The following PTPRD variants were observed in gnomAD, a reference collection of about 807,000 sequenced individuals.
PTPRD encodes the protein protein tyrosine phosphatase receptor type D, also known as receptor-type tyrosine-protein phosphatase delta.
Under a neutral mutation model 214.5 loss-of-function variants are expected in PTPRD, and 34 were observed. The ratio of observed to expected loss-of-function variants is 0.16; its 90% CI spans 0.12 to 0.21. The LOEUF (loss-of-function observed/expected upper bound fraction) is 0.21. PTPRD is among the 10% of genes least tolerant of loss of function. The probability of loss-of-function intolerance (pLI) is 1.00; values close to 1 mark genes in which losing one functional copy is unlikely to be tolerated. For synonymous variants in PTPRD, 1,128 were observed against 845.7 expected (o/e 1.33, Z -5.79); for missense variants, 2,545 against 2,398.7 (o/e 1.06, Z -1.27).
intron 3 of PTPRD, among the ~76,000 whole-genome samples, chr9:10,169,611 T>TA (rs1025092036): frequency 3.3e-5 from 5 of 152,202 alleles, no homozygotes; most frequent in East Asian, 1.9e-4. Context: ...AAAGGTACTG[T>TA]AAAAAACCCA....
intron 14 of PTPRD, among the ~76,000 whole-genome samples, chr9:8,605,911 C>T (rs2095180854): frequency 6.6e-6 from 1 of 152,128 alleles, no homozygotes. Flanking sequence ...CACAGGTGTG[C>T]CACAGCATGG....
rs76171409 is a variant in PTPRD, at chr9:9,208,348, G to A, written c.-202-24985C>T. 3.9e-3 allele frequency among the ~76,000 whole-genome samples: 600 copies of A among 152,008 alleles called. 8 individuals carry two copies. The highest frequency in any genetic ancestry group is 0.027 in the East Asian group (138 of 5,104). ...TATTTTTTTAAAAAACACCTTGGAG[G>A]ACAAACCATAAATCTGGTTTTTAAA... On this transcript the variant is annotated intron_variant, in intron 9 of 45. Transcript: ENST00000381196.
intron 33 of PTPRD, among the ~76,000 whole-genome samples, chr9:8,458,405 A>G (rs2096276813): frequency 6.6e-6 from 1 of 152,148 alleles, no homozygotes; most frequent in African/African-American, 2.4e-5. Flanking sequence ...TCCAAATAAA[A>G]CATAACTTAA....
At chr9:10,540,416 T>C (rs2058839299) in intron 2 of PTPRD, among the ~76,000 whole-genome samples, 2 of 152,238 alleles carry the variant, frequency 1.3e-5, no homozygotes, top group Non-Finnish European at 2.9e-5. Flanking sequence ...TTAGTCTGAA[T>C]GTGCCTACCA....
chr9:8,745,493 G>C (rs1274671273), intron 11 of PTPRD, among the ~76,000 whole-genome samples: 1 of 152,134 alleles, frequency 6.6e-6, no homozygotes. Context: ...ACTGAATGAA[G>C]GTATTTGGCA....
intron 3 of PTPRD, among the ~76,000 whole-genome samples, chr9:10,222,586 A>T (rs1316303657): frequency 6.6e-6 from 1 of 152,064 alleles, no homozygotes; most frequent in South Asian, 2.1e-4. Context: ...ATTACGTATC[A>T]TCCTTACCAA....
chr9:10,170,796 T>G (rs1448112267), intron 3 of PTPRD, among the ~76,000 whole-genome samples: 1 of 152,210 alleles, frequency 6.6e-6, no homozygotes, highest in Admixed American at 6.5e-5. Context: ...CCAGTTGCTT[T>G]TCTATGTTTC....
In PTPRD at chr9:9,550,477, T is replaced by C. The variant is rs112422228; in HGVS notation, c.-237+24255A>G. On this transcript the variant is annotated intron_variant, in intron 8 of 45. Transcript: ENST00000381196. ...ATTATACGTAGTATATTATGCACTA[T>C]ATACTATATATATGGTATGATATGT... Among the ~76,000 whole-genome samples, 11 of 148,344 alleles carry C rather than the reference T, an allele frequency of 7.4e-5. 1 individual carries two copies. Among genetic ancestry groups the C allele is most frequent in the East Asian group, 2.0e-4 (1 of 5,126 alleles).
chr9:9,317,875 A>G (rs1964152513), intron 9 of PTPRD, among the ~76,000 whole-genome samples: 1 of 152,154 alleles, frequency 6.6e-6, no homozygotes, highest in African/African-American at 2.4e-5. Context: ...CAAACATTAA[A>G]ATAGGTATTT....
chr9:9,628,410 A>G (rs1404464600), intron 7 of PTPRD, among the ~76,000 whole-genome samples: 2 of 152,020 alleles, frequency 1.3e-5, no homozygotes, highest in African/African-American at 2.4e-5. Flanking sequence ...GGCATCTTTG[A>G]TATCTCCCCA....
chr9:8,405,674 G>A (rs1909757), intron 35 of PTPRD, among the ~76,000 whole-genome samples: 1 of 151,826 alleles, frequency 6.6e-6, no homozygotes, highest in Non-Finnish European at 1.5e-5. Context: ...GTTCATTAAT[G>A]ACACAAACAT....
At chr9:10,068,234 G>A (rs1452756212) in intron 3 of PTPRD, among the ~76,000 whole-genome samples, 1 of 151,820 alleles carries the variant, frequency 6.6e-6, no homozygotes, top group East Asian at 1.9e-4. Flanking sequence ...TTCCAAATCT[G>A]CCATTTGCTG....
intron 9 of PTPRD, among the ~76,000 whole-genome samples, chr9:9,245,570 G>A (rs2099972648): frequency 6.6e-6 from 1 of 151,800 alleles, no homozygotes; most frequent in South Asian, 2.1e-4. Flanking sequence ...ATTGAACAAT[G>A]AGAACACTTG....
rs192454017 is a variant in PTPRD, at chr9:10,472,590, A to G, written c.-599-131573T>C. Among the ~76,000 whole-genome samples the G allele has an allele frequency of 5.3e-5, 8 of 152,244 alleles. No individual in the cohort carries two copies. The East Asian group carries it at 1.5e-3, about 29-fold the overall frequency. ...CAAGGCTGAGCAGGAGCTCTTGAGC[A>G]TCTTCACAATGTTTGGGATAACTCT... On this transcript the variant is annotated intron_variant, in intron 2 of 45. Coordinates refer to ENST00000381196, the MANE Select transcript of PTPRD (RefSeq NM_002839.4).
chr9:10,495,651 A>C (rs2041833718), intron 2 of PTPRD, among the ~76,000 whole-genome samples: 1 of 151,842 alleles, frequency 6.6e-6, no homozygotes, highest in Non-Finnish European at 1.5e-5. Context: ...AAAGAGGAAA[A>C]TATTCTAATA....
At position 10,278,919 on chromosome 9, in the gene PTPRD, C is replaced by T. The variant is rs941813935; in HGVS notation, c.-545+62044G>A. Among the ~76,000 whole-genome samples, 93 of 152,080 alleles carry T rather than the reference C, an allele frequency of 6.1e-4. 1 individual carries two copies. Among genetic ancestry groups the T allele is most frequent in the Admixed American group, 5.2e-3 (80 of 15,278 alleles). On this transcript the variant is annotated intron_variant, in intron 3 of 45. Coordinates refer to ENST00000381196, the MANE Select transcript of PTPRD (RefSeq NM_002839.4). ...CCTCCCGAGTAGCTGGGACTACAGG[C>T]ACACACCACCACGCCAGGCTAATTT...
At chr9:9,878,499 G>A (rs1286788574) in intron 5 of PTPRD, among the ~76,000 whole-genome samples, 1 of 152,108 alleles carries the variant, frequency 6.6e-6, no homozygotes, top group African/African-American at 2.4e-5. Flanking sequence ...TATCCAGGAG[G>A]GGCAAATAAA....
At chr9:8,328,377 G>A (rs191995387) in intron 44 of PTPRD, among the ~76,000 whole-genome samples, 1 of 152,148 alleles carries the variant, frequency 6.6e-6, no homozygotes, top group African/African-American at 2.4e-5. Flanking sequence ...GGTTGCTGTC[G>A]AGAGACCTGC....
chr9:9,375,357 G>A (rs1303954818), intron 9 of PTPRD, among the ~76,000 whole-genome samples: 1 of 152,072 alleles, frequency 6.6e-6, no homozygotes, highest in African/African-American at 2.4e-5. Flanking sequence ...CAGAACTTTG[G>A]GAGGCCAAGT....
Sources: gnomAD v4.1 joint callset for allele counts (sites outside exome capture counted in the v4.1 genomes callset) on GRCh38, gnomAD v4.1.1 for gene constraint, MANE v1.5 for transcripts, NCBI Gene and HGNC (gene_info 2026-07-23, HGNC 2026-07-21) for gene names.